SENP7: variants seen among roughly 807,000 people sequenced by gnomAD.
SENP7 encodes sentrin-specific protease 7.
A neutral mutation model predicts 141.2 loss-of-function variants in SENP7; 64 were observed. That is an observed-to-expected ratio of 0.45 (90% CI 0.37 to 0.56). SENP7 has a LOEUF of 0.56. Among genes scored for constraint, SENP7 ranks in the 20% least tolerant of loss-of-function variants. The pLI is 0.00. For synonymous variants in SENP7, 382 were observed against 426.4 expected, an observed-to-expected ratio of 0.90 and a Z score of 1.28; for missense variants, 1,025 against 1,212.2, an observed-to-expected ratio of 0.85 and a Z score of 2.29.
Position 101,398,949 on chromosome 3 carries a change from G to C in SENP7, c.589C>G (p.Gln197Glu). The C allele has an allele frequency of 1.9e-6, 3 of 1,613,850 alleles. No individual in the cohort carries two copies. Among genetic ancestry groups the C allele is most frequent in the Non-Finnish European group, 2.5e-6 (3 of 1,179,810 alleles). The stretch of plus-strand genomic sequence containing the variant: ...GATGATGAAGAAAGTTGCTCTGATT[G>C]CAAGTTGTCTGTATCACTCAAACTT... Reference protein sequence around the residue: ...EGSLSDTDNLQSEQLSSSSDG... With the variant: ...EGSLSDTDNLESEQLSSSSDG... Residue 197 changes from glutamine to glutamate, a missense_variant, in exon 6 of 24, where the codon CAA becomes GAA. Physicochemically the swap from Gln to Glu is conservative, Grantham distance 29. Transcript: ENST00000394095.
intron 4 of SENP7, among the ~76,000 whole-genome samples, chr3:101,432,435 T>C (rs1278521751): frequency 6.6e-6 from 1 of 152,168 alleles, no homozygotes; most frequent in East Asian, 1.9e-4. Flanking sequence ...CCTGGACCCT[T>C]AAGCAAACAT....
intron 6 of SENP7, among the ~76,000 whole-genome samples, chr3:101,374,365 T>C (rs1283979450): frequency 1.3e-5 from 2 of 152,168 alleles, no homozygotes; most frequent in East Asian, 1.9e-4. Flanking sequence ...GAAGAATGCA[T>C]AGGGGAAATC....
chr3:101,406,261 G>T (rs1430438032), intron 5 of SENP7, among the ~76,000 whole-genome samples: 1 of 152,130 alleles, frequency 6.6e-6, no homozygotes, highest in Non-Finnish European at 1.5e-5. Flanking sequence ...CCATAAAAAA[G>T]GATGAGTTCA....
intron 3 of SENP7, among the ~76,000 whole-genome samples, chr3:101,468,663 G>C (rs1035618217): frequency 1.3e-5 from 2 of 152,176 alleles, no homozygotes; most frequent in Admixed American, 6.5e-5. Context: ...AATGCTGAGA[G>C]ATTTCGTCAC....
intron 3 of SENP7, among the ~76,000 whole-genome samples, chr3:101,487,433 T>G (rs922320538): frequency 6.6e-6 from 1 of 152,196 alleles, no homozygotes; most frequent in Non-Finnish European, 1.5e-5. Context: ...TTTTGTTTTG[T>G]TTTTTTGCTG....
At position 101,490,489 on chromosome 3, in the gene SENP7, G is replaced by A. The variant is rs192886341; in HGVS notation, c.186+3384C>T. Among the ~76,000 whole-genome samples, 280 of 152,004 alleles carry A rather than the reference G, an allele frequency of 1.8e-3. 1 individual carries two copies. The highest frequency in any genetic ancestry group is 3.5e-3 in the Non-Finnish European group (240 of 67,956). ...CATGGTGGAGGTACAAGCAACAGAA[G>A]AGGAAAAGACACAATGGTTGAGTCA... is the stretch of plus-strand genomic sequence containing the variant. On this transcript the variant is annotated intron_variant, in intron 3 of 23. Transcript: ENST00000394095.
intron 2 of SENP7, among the ~76,000 whole-genome samples, chr3:101,499,029 T>A (rs2065268303): frequency 1.3e-5 from 2 of 152,198 alleles, no homozygotes; most frequent in African/African-American, 4.8e-5. Context: ...TATAAATTCC[T>A]TGTTTTTTGT....
At chr3:101,414,453 G>T in intron 5 of SENP7, 1 of 1,273,880 alleles carries the variant, frequency 7.9e-7, no homozygotes, top group Non-Finnish European at 1.1e-6. Flanking sequence ...AGGACCACCT[G>T]GCCCAGTGTA....
intron 17 of SENP7, among the ~76,000 whole-genome samples, chr3:101,333,945 T>C (rs2059120247): frequency 6.6e-6 from 1 of 152,198 alleles, no homozygotes; most frequent in African/African-American, 2.4e-5. Context: ...GATGAAACTG[T>C]TCCTCCTCAG....
At chr3:101,399,425 T>C (rs1170696470) in intron 5 of SENP7, among the ~76,000 whole-genome samples, 1 of 152,248 alleles carries the variant, frequency 6.6e-6, no homozygotes, top group Non-Finnish European at 1.5e-5. Context: ...AAATCTTTGT[T>C]CTTCTCATTT....
intron 5 of SENP7, among the ~76,000 whole-genome samples, chr3:101,416,577 A>C (rs1337319484): frequency 6.6e-6 from 1 of 152,236 alleles, no homozygotes; most frequent in African/African-American, 2.4e-5. Flanking sequence ...ACTGATGCTA[A>C]GCTGTCTGAC....
chr3:101,333,971 T>G (rs1193326705), intron 17 of SENP7, among the ~76,000 whole-genome samples: 3 of 152,160 alleles, frequency 2.0e-5, no homozygotes, highest in Non-Finnish European at 2.9e-5. Flanking sequence ...CAGGCATTAG[T>G]TAGATTCTCA....
chr3:101,427,425 G>A (rs906961565), intron 4 of SENP7, among the ~76,000 whole-genome samples: 9 of 150,314 alleles, frequency 6.0e-5, no homozygotes, highest in Non-Finnish European at 8.8e-5. Context: ...GGGAGGTGGC[G>A]GTTGCAGTGA....
intron 5 of SENP7, chr3:101,414,445 G>GTGGTCCTGGA: frequency 7.5e-7 from 1 of 1,340,348 alleles, no homozygotes; most frequent in Non-Finnish European, 1.1e-6. Context: ...GAAGTTCCAG[G>GTGGTCCTGGA]ACCACCTGGC....
rs1207469181 is a variant in SENP7 at position 101,399,084 on chromosome 3, T to C, written c.483-29A>G. ...TCACATAGAATAACAAACACTGTAC[T>C]GTACTGAAGTTTTCAGTTAAAAAAA... On this transcript the variant is annotated intron_variant, in intron 5 of 23. Coordinates refer to ENST00000394095, the MANE Select transcript of SENP7 (RefSeq NM_020654.5). 36 of 1,375,898 alleles carry C rather than the reference T, an allele frequency of 2.6e-5. No individual in the cohort carries two copies. In the East Asian group the frequency reaches 8.8e-4, roughly 34 times the overall value. The allele number at this position is 1,375,898 out of a possible 1,614,324, so 85.2% of individuals were successfully genotyped here. A position where few individuals can be genotyped will look rare whatever the true frequency, so the allele number is the denominator to read the frequency against.
chr3:101,466,880 A>C (rs996732859), intron 3 of SENP7, among the ~76,000 whole-genome samples: 1 of 152,058 alleles, frequency 6.6e-6, no homozygotes, highest in Non-Finnish European at 1.5e-5. Flanking sequence ...CAGGGCGGGG[A>C]GTCGCCTCAC....
intron 4 of SENP7, among the ~76,000 whole-genome samples, chr3:101,424,012 A>C (rs1209722078): frequency 6.6e-6 from 1 of 152,124 alleles, no homozygotes; most frequent in East Asian, 1.9e-4. Flanking sequence ...CCATCCCTCT[A>C]GGCTTGACTT....
At chr3:101,359,713 T>C (rs567164913) in intron 11 of SENP7, among the ~76,000 whole-genome samples, 2 of 152,118 alleles carry the variant, frequency 1.3e-5, no homozygotes, top group Admixed American at 6.5e-5. Context: ...GTACATATTA[T>C]GTAATATCCC....
intron 12 of SENP7, among the ~76,000 whole-genome samples, chr3:101,350,211 C>T (rs971152258): frequency 1.3e-5 from 2 of 152,078 alleles, no homozygotes; most frequent in African/African-American, 4.8e-5. Context: ...GGTCATGTGC[C>T]CCCGATGACC....
Sources: allele counts gnomAD v4.1 joint callset (sites outside exome capture counted in the v4.1 genomes callset), GRCh38; gene constraint gnomAD v4.1.1; transcripts MANE v1.5; gene names NCBI Gene and HGNC (gene_info 2026-07-23, HGNC 2026-07-21).